Variants in P4HA3 observed in about 807,000 individuals in gnomAD.
P4HA3 encodes prolyl 4-hydroxylase subunit alpha 3.
A neutral mutation model predicts 66.7 loss-of-function variants in P4HA3; 60 were observed. The ratio of observed to expected loss-of-function variants is 0.90; its 90% confidence interval spans 0.73 to 1.12. The LOEUF is 1.12. Ranked by LOEUF, P4HA3 falls within the 50% of genes most tolerant of loss-of-function variation. The pLI is 0.00. For missense variants in P4HA3, 683 were observed against 685.8 expected, an observed-to-expected ratio of 1.00 and a Z score of 0.05; for synonymous variants, 263 against 274.6, an observed-to-expected ratio of 0.96 and a Z score of 0.42.
chr11:74,285,524 AAATGCATACAGCC>A (rs1813640919), intron 7 of P4HA3: 2 of 296,576 alleles, frequency 6.7e-6, no homozygotes, highest in South Asian at 6.5e-5. Flanking sequence ...GAGTTTTGAC[AAATGCATACAGCC>A]ACATGTACCA....
At chr11:74,301,896 C>T (rs1164118793) in intron 3 of P4HA3, among the ~76,000 whole-genome samples, 1 of 152,148 alleles carries the variant, frequency 6.6e-6, no homozygotes, top group Non-Finnish European at 1.5e-5. Flanking sequence ...GAGGCTGTTT[C>T]CGTGATCTTA....
chr11:74,297,899 C>T (rs1861278067), intron 4 of P4HA3, among the ~76,000 whole-genome samples: 1 of 152,202 alleles, frequency 6.6e-6, no homozygotes, highest in Non-Finnish European at 1.5e-5. Flanking sequence ...AAAGCAGCTG[C>T]TGCTACAGGT....
rs1295014785 is a variant in P4HA3 at position 74,285,964 on chromosome 11, T to C, written c.955A>G (p.Ser319Gly). ...GSQPTLYQIP[S>G]LYCSYETNSN... Reference sequence around the variant, plus strand: ...TTGGTCTCATAGGAACAGTAGAGGCTAGGGATCTGGTAGAGAGTGGGCTGG... The same window carrying C: ...TTGGTCTCATAGGAACAGTAGAGGCCAGGGATCTGGTAGAGAGTGGGCTGG... The change falls in exon 7 of 13, where the codon AGC (serine) becomes GGC (glycine). Residue 319 changes from serine to glycine, a missense_variant. Coordinates refer to ENST00000331597, the MANE Select transcript of P4HA3 (RefSeq NM_182904.5). 6.2e-7 allele frequency: 1 copy of C among 1,609,582 alleles called. No individual in the cohort carries two copies. Among genetic ancestry groups the C allele is most frequent in the Non-Finnish European group, 8.5e-7 (1 of 1,176,112 alleles).
At position 74,273,573 on chromosome 11, in the gene P4HA3, C is replaced by A; in HGVS notation, c.1370G>T (p.Gly457Val). Reference protein sequence around the residue: ...PSSPLYRMKSGNRVATFMIYL... With the variant: ...PSSPLYRMKSVNRVATFMIYL... ...GATCATAAATGTTGCAACTCGGTTTCCTGACTTCATTCTGTAGAGGGGGCT... is the reference window on the plus strand; with the variant it reads ...GATCATAAATGTTGCAACTCGGTTTACTGACTTCATTCTGTAGAGGGGGCT... Residue 457 changes from glycine to valine, a missense_variant, in exon 10 of 13, where the codon GGA (glycine) becomes GTA (valine). Physicochemically the swap from Gly to Val is moderately radical, Grantham distance 109. Transcript: ENST00000331597. 6.4e-7 allele frequency: 1 copy of A among 1,562,402 alleles called. No homozygotes were observed. The highest frequency in any genetic ancestry group is 8.6e-7 in the Non-Finnish European group (1 of 1,156,940).
chr11:74,282,728 A>G (rs1490038887), intron 7 of P4HA3, among the ~76,000 whole-genome samples: 3 of 152,224 alleles, frequency 2.0e-5, no homozygotes, highest in Admixed American at 6.5e-5. Context: ...CTGCTAGTTT[A>G]CAGTCTGACT....
At chr11:74,308,487 T>C (rs928036883) in intron 1 of P4HA3, among the ~76,000 whole-genome samples, 1 of 152,154 alleles carries the variant, frequency 6.6e-6, no homozygotes, top group Non-Finnish European at 1.5e-5. Context: ...TATAGTGAGC[T>C]ATGATAGAGC....
At chr11:74,261,256 GC>G (rs922798910) in intron 14 of P4HA3, among the ~76,000 whole-genome samples, 84 of 152,292 alleles carry the variant, frequency 5.5e-4, no homozygotes, top group African/African-American at 1.9e-3. Flanking sequence ...TGGGTCTGGG[GC>G]TTTTTATGGA....
chr11:74,307,093 A>C (rs999571457), intron 1 of P4HA3, among the ~76,000 whole-genome samples: 10 of 152,180 alleles, frequency 6.6e-5, no homozygotes, highest in African/African-American at 2.2e-4. Context: ...CTGAGAGGGC[A>C]GTGATTTTAT....
rs1313628507 is a variant in P4HA3 at position 74,304,130 on chromosome 11, C to T, written c.343+140G>A. 3 of 1,112,176 alleles carry T rather than the reference C, an allele frequency of 2.7e-6. No individual in the cohort carries two copies. In the African/African-American group the frequency reaches 4.7e-5, roughly 17 times the overall value. The allele number at this position is 1,112,176 out of a possible 1,614,324, so 68.9% of individuals were successfully genotyped here. ...TAGCAAGCGGGCCTAATTCTTTGTG[C>T]TAGCTAGAGCTAAGGATATTAAGTA... is the stretch of plus-strand genomic sequence containing the variant. On this transcript the variant is annotated intron_variant, in intron 2 of 12. Coordinates refer to ENST00000331597, the MANE Select transcript of P4HA3 (RefSeq NM_182904.5).
chr11:74,274,139 T>C (rs968158098), intron 9 of P4HA3, among the ~76,000 whole-genome samples: 1 of 152,126 alleles, frequency 6.6e-6, no homozygotes, highest in Non-Finnish European at 1.5e-5. Flanking sequence ...GAAAAGCTCC[T>C]TCATGCCAGT....
chr11:74,255,141 G>T (rs905451254), intron 15 of P4HA3, among the ~76,000 whole-genome samples: 3 of 152,090 alleles, frequency 2.0e-5, no homozygotes, highest in African/African-American at 7.2e-5. Flanking sequence ...CCTTCCCCCG[G>T]AAACTTGCTC....
chr11:74,277,217 GAATA>G, intron 8 of P4HA3, 73 bp from the exon 9 acceptor site: 1 of 1,499,874 alleles, frequency 6.7e-7, no homozygotes, highest in Non-Finnish European at 9.1e-7. Flanking sequence ...CTGAATGAAT[GAATA>G]AACAAATGAA....
At chr11:74,291,252 T>C (rs1018082211) in intron 4 of P4HA3, among the ~76,000 whole-genome samples, 2 of 152,208 alleles carry the variant, frequency 1.3e-5, no homozygotes, top group Non-Finnish European at 2.9e-5. Flanking sequence ...TGTTTGTCTG[T>C]TATTGGTGTA....
intron 4 of P4HA3, among the ~76,000 whole-genome samples, chr11:74,296,510 G>A (rs1028717514): frequency 4.6e-5 from 7 of 152,152 alleles, no homozygotes; most frequent in Non-Finnish European, 1.0e-4. Flanking sequence ...TTCTGTTACT[G>A]GGGAATAAAA....
downstream of P4HA3, among the ~76,000 whole-genome samples, chr11:74,264,439 T>C (rs1859957967): frequency 6.6e-6 from 1 of 152,202 alleles, no homozygotes; most frequent in Non-Finnish European, 1.5e-5. Context: ...TTTGCTCAAG[T>C]CCCTCCTTCC....
intron 4 of P4HA3, among the ~76,000 whole-genome samples, chr11:74,297,798 A>G (rs1861274986): frequency 6.6e-6 from 1 of 152,258 alleles, no homozygotes; most frequent in Non-Finnish European, 1.5e-5. Context: ...CCATGGCAAT[A>G]TTATGGGTAA....
intron 10 of P4HA3, among the ~76,000 whole-genome samples, chr11:74,271,766 A>G (rs1860208065): frequency 6.6e-6 from 1 of 152,186 alleles, no homozygotes; most frequent in Non-Finnish European, 1.5e-5. Flanking sequence ...AATCAGTCTT[A>G]GGTTTCCCAC....
intron 7 of P4HA3, 150 bp from the exon 8 acceptor site, chr11:74,279,602 T>C: frequency 1.4e-6 from 1 of 714,654 alleles, no homozygotes; most frequent in Non-Finnish European, 2.5e-6. Context: ...TGGGACTAAT[T>C]TAGTGACAGC....
chr11:74,293,002 G>A (rs949177835), intron 4 of P4HA3, among the ~76,000 whole-genome samples: 9 of 152,154 alleles, frequency 5.9e-5, no homozygotes, highest in African/African-American at 2.2e-4. Context: ...GTGTATCCTT[G>A]TTAACTTTCT....
Sources: allele counts gnomAD v4.1 joint callset (sites outside exome capture counted in the v4.1 genomes callset), GRCh38; gene constraint gnomAD v4.1.1; transcripts MANE v1.5; gene names NCBI Gene and HGNC (gene_info 2026-07-23, HGNC 2026-07-21).